RBFOX1: variants seen among roughly 807,000 people sequenced by gnomAD.
RBFOX1 encodes the protein RNA binding protein fox-1 homolog 1.
In RBFOX1, 8 loss-of-function variants were observed where a neutral mutation model predicts 57.7. The observed-to-expected ratio is 0.14, with a 90% CI of 0.08 to 0.25. The LOEUF is 0.25. Ranked by LOEUF, RBFOX1 falls within the 10% of genes least tolerant of loss-of-function variation. RBFOX1 has a pLI of 1.00. For synonymous variants in RBFOX1, 326 were observed against 222.4 expected, an observed-to-expected ratio of 1.47 and a Z score of -4.15; for missense variants, 611 against 548.5, an observed-to-expected ratio of 1.11 and a Z score of -1.14.
chr16:5,946,055 G>T lies in RBFOX1; in HGVS notation c.351+78720G>T, dbSNP rs968763994. The stretch of plus-strand genomic sequence containing the variant: ...GAAGTCTGCTTTGTTTGCTAGTAAA[G>T]TGAGGGGGAGACAGGGTTTTAATTA... On this transcript the variant is annotated intron_variant, in intron 4 of 19. Transcript: ENST00000641259. The surrounding 1 kb of genome is among the most constrained non-coding windows in gnomAD (Gnocchi z 4.6). Among the ~76,000 whole-genome samples, 3 of 152,212 alleles carry T rather than the reference G, an allele frequency of 2.0e-5. No homozygotes were observed. Among genetic ancestry groups the T allele is most frequent in the Non-Finnish European group, 4.4e-5 (3 of 68,046 alleles).
At chr16:6,368,552 C>G (rs1433146731) in intron 2 of RBFOX1, among the ~76,000 whole-genome samples, 1 of 152,204 alleles carries the variant, frequency 6.6e-6, no homozygotes, top group Admixed American at 6.5e-5. Context: ...TATTTCTTCC[C>G]TGCCTGTAAT....
intron 5 of RBFOX1, among the ~76,000 whole-genome samples, chr16:7,531,172 A>G (rs1315518788): frequency 1.3e-5 from 2 of 152,358 alleles, no homozygotes; most frequent in African/African-American, 4.8e-5. Flanking sequence ...AAATCATACA[A>G]TCCAAACAAT....
At chr16:6,178,156 C>T (rs982071610) in intron 1 of RBFOX1, among the ~76,000 whole-genome samples, 3 of 149,484 alleles carry the variant, frequency 2.0e-5, no homozygotes, top group African/African-American at 4.9e-5. Context: ...TGTGTCCTTG[C>T]CCATATTTCC....
chr16:5,943,797 C>G (rs1182950495), intron 4 of RBFOX1, among the ~76,000 whole-genome samples: 1 of 152,148 alleles, frequency 6.6e-6, no homozygotes, highest in South Asian at 2.1e-4. Flanking sequence ...ATTAATTTAT[C>G]TATTCACCCA....
intron 3 of RBFOX1, among the ~76,000 whole-genome samples, chr16:5,673,393 T>C (rs1036638569): frequency 1.3e-5 from 2 of 152,106 alleles, no homozygotes; most frequent in African/African-American, 2.4e-5. Flanking sequence ...CTATCTTCTC[T>C]CAGAGGGAAC....
chr16:6,056,258 A>T (rs1345995176), intron 1 of RBFOX1, among the ~76,000 whole-genome samples: 1 of 152,166 alleles, frequency 6.6e-6, no homozygotes, highest in Non-Finnish European at 1.5e-5. Context: ...GAGTGTAGGG[A>T]TAAAGCAAGG....
chr16:6,966,789 A>G (rs8044987), intron 3 of RBFOX1, among the ~76,000 whole-genome samples: 80,564 of 127,732 alleles, frequency 0.63, 22,435 homozygotes, highest in Non-Finnish European at 0.67. Flanking sequence ...CTATCTATCT[A>G]TCTGTCTGTC....
At chr16:6,407,413 A>G (rs1490059949) in intron 2 of RBFOX1, among the ~76,000 whole-genome samples, 1 of 151,958 alleles carries the variant, frequency 6.6e-6, no homozygotes, top group African/African-American at 2.4e-5. Flanking sequence ...CTTTGTGTGT[A>G]TCTATGCTTA....
At chr16:5,275,436 A>G (rs1421527033) in intron 1 of RBFOX1, among the ~76,000 whole-genome samples, 1 of 152,236 alleles carries the variant, frequency 6.6e-6, no homozygotes, top group African/African-American at 2.4e-5. Context: ...AAACCCTTTT[A>G]TAATAGCTGT....
At chr16:6,128,668 A>G (rs11077005) in intron 1 of RBFOX1, among the ~76,000 whole-genome samples, 53,972 of 152,114 alleles carry the variant, frequency 0.35, 10,485 homozygotes, top group Non-Finnish European at 0.44. Flanking sequence ...GGGAATGCTC[A>G]TAAGTCTGCA....
intron 1 of RBFOX1, among the ~76,000 whole-genome samples, chr16:6,305,833 A>G (rs1387853758): frequency 6.6e-6 from 1 of 152,018 alleles, no homozygotes; most frequent in African/African-American, 2.4e-5. Context: ...TTCCAAGTTC[A>G]AAGCTCTTTC....
intron 3 of RBFOX1, among the ~76,000 whole-genome samples, chr16:7,035,941 T>C (rs2044277526): frequency 6.6e-6 from 1 of 152,116 alleles, no homozygotes; most frequent in Non-Finnish European, 1.5e-5. Context: ...AGCCAACCCT[T>C]TCAGACAACT....
intron 1 of RBFOX1, among the ~76,000 whole-genome samples, chr16:5,372,560 G>A (rs780766170): frequency 2.0e-5 from 3 of 152,170 alleles, no homozygotes; most frequent in African/African-American, 4.8e-5. Flanking sequence ...TGCTGGGAAC[G>A]GGGGTGGTTT....
chr16:6,600,103 G>C (rs762824219), intron 2 of RBFOX1, among the ~76,000 whole-genome samples: 7 of 152,114 alleles, frequency 4.6e-5, no homozygotes, highest in African/African-American at 1.4e-4. Context: ...GGTTTTTCAA[G>C]CTCATTTTTC....
At chr16:5,356,856 T>G (rs1272444769) in intron 1 of RBFOX1, among the ~76,000 whole-genome samples, 1 of 152,210 alleles carries the variant, frequency 6.6e-6, no homozygotes, top group African/African-American at 2.4e-5. Flanking sequence ...GTAATACTAT[T>G]GATAATGTTT....
chr16:7,617,716 G>A (rs912084791), intron 10 of RBFOX1, among the ~76,000 whole-genome samples: 3 of 152,110 alleles, frequency 2.0e-5, no homozygotes, highest in African/African-American at 4.8e-5. Flanking sequence ...GCTAGGTGCC[G>A]AGGTACCAAA....
chr16:6,032,888 T>TG (rs1230980749), intron 1 of RBFOX1, among the ~76,000 whole-genome samples: 2 of 148,614 alleles, frequency 1.3e-5, no homozygotes, highest in Admixed American at 1.3e-4. Context: ...GTAAGTTTTT[T>TG]TTTTTTTTTT....
chr16:7,510,996 G>C (rs1324577418), intron 4 of RBFOX1, among the ~76,000 whole-genome samples: 1 of 152,172 alleles, frequency 6.6e-6, no homozygotes. Flanking sequence ...GATGCAGAAA[G>C]GGAGGGTGTG....
intron 4 of RBFOX1, among the ~76,000 whole-genome samples, chr16:5,912,154 G>A (rs567054365): frequency 2.8e-4 from 43 of 152,264 alleles, no homozygotes; most frequent in African/African-American, 7.5e-4. Context: ...ATTTGCTAAC[G>A]TTTGTGTCTT....
Sources: allele counts gnomAD v4.1 joint callset (sites outside exome capture counted in the v4.1 genomes callset), GRCh38; gene constraint gnomAD v4.1.1; non-coding constraint Gnocchi (gnomAD v3.1); transcripts MANE v1.5; gene names NCBI Gene and HGNC (gene_info 2026-07-23, HGNC 2026-07-21).